The following RTCB variants were observed in gnomAD, a reference collection of about 807,000 sequenced individuals.
RTCB encodes the protein RNA 2',3'-cyclic phosphate and 5'-OH ligase.
A neutral mutation model predicts 58.2 loss-of-function variants in RTCB; 32 were observed. The ratio of observed to expected loss-of-function variants is 0.55; its 90% confidence interval spans 0.41 to 0.74. The LOEUF is 0.74. Among genes scored for constraint, RTCB ranks in the 30% least tolerant of loss-of-function variants. The pLI is 0.00. For synonymous variants in RTCB, 247 were observed against 218.6 expected, an observed-to-expected ratio of 1.13 and a Z score of -1.15; for missense variants, 523 against 639.0, an observed-to-expected ratio of 0.82 and a Z score of 1.96.
At chr22:32,407,947 G>A in intron 3 of RTCB, 1 of 538,702 alleles carries the variant, frequency 1.9e-6, no homozygotes, top group Non-Finnish European at 3.4e-6. Flanking sequence ...TATAGACAGG[G>A]TCTTGCCATG....
intron 10 of RTCB, 116 bp downstream of exon 10, chr22:32,393,776 T>C: frequency 2.7e-6 from 2 of 736,482 alleles, no homozygotes; most frequent in Non-Finnish European, 4.8e-6. Flanking sequence ...GTACAAGACA[T>C]GATAGGCCCA....
At chr22:32,399,531 T>A (rs1045499485) in intron 6 of RTCB, 72 bp downstream of exon 6, 7 of 1,387,254 alleles carry the variant, frequency 5.0e-6, no homozygotes, top group Non-Finnish European at 6.9e-6. Context: ...ATGTAAGATA[T>A]AGATTTTTTT....
At chr22:32,400,372 C>T (rs1355981520) in intron 5 of RTCB, among the ~76,000 whole-genome samples, 3 of 152,210 alleles carry the variant, frequency 2.0e-5, no homozygotes, top group Non-Finnish European at 1.5e-5. Context: ...CATCCAAGGT[C>T]CAGCTCTCTT....
intron 4 of RTCB, among the ~76,000 whole-genome samples, chr22:32,403,690 G>C (rs61060987): frequency 0.035 from 5,271 of 152,222 alleles, 290 homozygotes; most frequent in African/African-American, 0.12. Context: ...CTCAGCCTCT[G>C]AATTGCCTGG....
In RTCB at chr22:32,406,675, T is replaced by C. The variant is rs1312582353; in HGVS notation, c.327A>G (p.Ala109=). Residue 109 remains alanine (A), a synonymous_variant, in exon 4 of 12, where the codon GCA becomes GCG. Coordinates refer to ENST00000216038, the MANE Select transcript of RTCB (RefSeq NM_014306.5). The part of the protein sequence containing the change: ...MAAFDMNDPE[A]VVSPGGVGFD... ...CAGTGATCTTACCTGGGGATACTACTGCTTCAGGGTCATTCATATCAAAGG... is the reference window on the plus strand; with the variant it reads ...CAGTGATCTTACCTGGGGATACTACCGCTTCAGGGTCATTCATATCAAAGG... 1 of 1,610,804 alleles carries C rather than the reference T, an allele frequency of 6.2e-7. No homozygotes were observed. Among genetic ancestry groups the C allele is most frequent in the Non-Finnish European group, 8.5e-7 (1 of 1,177,282 alleles).
intron 7 of RTCB, among the ~76,000 whole-genome samples, chr22:32,396,943 T>C (rs1030619429): frequency 1.3e-5 from 2 of 152,200 alleles, no homozygotes; most frequent in Non-Finnish European, 2.9e-5. Flanking sequence ...CTGCGTCTGT[T>C]GCCCAGAAGG....
chr22:32,412,018 C>A, intron 1 of RTCB, 46 bp downstream of exon 1: 1 of 1,496,836 alleles, frequency 6.7e-7, no homozygotes, highest in Non-Finnish European at 9.1e-7. Flanking sequence ...CCGGCCGGGC[C>A]GGGGACGGAG....
In RTCB at chr22:32,388,140, AAC is replaced by A. The variant is rs144357746; in HGVS notation, c.1411-43_1411-42del. 886 of 1,245,048 alleles carry A rather than the reference AAC, an allele frequency of 7.1e-4. 6 individuals are homozygous for A. The African/African-American group carries it at 0.012, about 17-fold the overall frequency. 77.1% of individuals were successfully genotyped at this position (1,245,048 alleles called of 1,614,324 possible). On this transcript the variant is annotated intron_variant, in intron 11 of 11. Transcript: ENST00000216038. ...TTAAACATTGTACAAGTCCACTGAA[AAC>A]ACAGTCTTTACAAGCACCAAACTTC... is the stretch of plus-strand genomic sequence containing the variant.
chr22:32,409,344 G>C (rs1387973085), intron 1 of RTCB, among the ~76,000 whole-genome samples: 3 of 152,164 alleles, frequency 2.0e-5, no homozygotes, highest in African/African-American at 2.4e-5. Context: ...TCTCTAGTTA[G>C]GTAAATAGTG....
chr22:32,404,671 T>G (rs1236118342), intron 4 of RTCB, among the ~76,000 whole-genome samples: 1 of 151,994 alleles, frequency 6.6e-6, no homozygotes, highest in Admixed American at 6.6e-5. Context: ...CCTCCCAAAG[T>G]TTTTCTAGTT....
chr22:32,388,079 A>G lies in RTCB; in HGVS notation c.1431T>C (p.Asn477=). The change falls in exon 12 of 12, where the codon AAT becomes AAC. Residue 477 remains asparagine (N), a synonymous_variant. Coordinates refer to ENST00000216038, the MANE Select transcript of RTCB (RefSeq NM_014306.5). ...VMEEAPESYK[N]VTDVVNTCHD... ...GGCAGGTATTTACCACATCTGTCACATTCTTATAGGACTCAGGAGCCTGCA... is the reference window on the plus strand; with the variant it reads ...GGCAGGTATTTACCACATCTGTCACGTTCTTATAGGACTCAGGAGCCTGCA... 2 of 1,613,196 alleles carry G rather than the reference A, an allele frequency of 1.2e-6. No individual in the cohort carries two copies. The highest frequency in any genetic ancestry group is 1.7e-5 in the Admixed American group (1 of 60,018).
intron 1 of RTCB, 38 bp downstream of exon 1, chr22:32,412,026 G>A (rs1298113268): frequency 1.3e-6 from 2 of 1,537,250 alleles, no homozygotes; most frequent in East Asian, 4.6e-5. Flanking sequence ...GCCGGGGACG[G>A]AGCACGGAAG....
intron 8 of RTCB, among the ~76,000 whole-genome samples, chr22:32,395,540 G>A (rs536977774): frequency 6.6e-6 from 1 of 152,250 alleles, no homozygotes; most frequent in East Asian, 1.9e-4. Context: ...CAAATTCTAG[G>A]AATAATTTTG....
rs138130326 is a variant in RTCB at position 32,411,328 on chromosome 22, T to C, written c.93+736A>G. On this transcript the variant is annotated intron_variant, in intron 1 of 11. Coordinates refer to ENST00000216038, the MANE Select transcript of RTCB (RefSeq NM_014306.5). ...TTCTTTTTTCACATTAATAAAAATA[T>C]GAGCACAGATGGTGATGAAGGCCGA... 3.8e-3 allele frequency among the ~76,000 whole-genome samples: 573 copies of C among 152,278 alleles called. 2 individuals carry two copies. Among genetic ancestry groups the C allele is most frequent in the African/African-American group, 0.012 (516 of 41,558 alleles).
At chr22:32,406,639 G>A (rs745771833) in intron 4 of RTCB, 23 bp downstream of exon 4, 3 of 1,536,336 alleles carry the variant, frequency 2.0e-6, no homozygotes, top group Non-Finnish European at 2.7e-6. Flanking sequence ...ACACTTAACA[G>A]CAGATGTCCA....
chr22:32,393,874 A>C lies in RTCB; in HGVS notation c.1290+18T>G. ...AAACTGAAGAGAGCATTTCTAAGGA[A>C]GTTTCTGTTTTCCTTACCGCTCCAT... On this transcript the variant is annotated intron_variant, in intron 10 of 11. Transcript: ENST00000216038. 6.5e-7 allele frequency: 1 copy of C among 1,527,940 alleles called. No homozygotes were observed. Among genetic ancestry groups the C allele is most frequent in the Non-Finnish European group, 9.1e-7 (1 of 1,101,494 alleles). The allele number at this position is 1,527,940 out of a possible 1,614,324, so 94.6% of individuals were successfully genotyped here.
At chr22:32,401,567 C>T (rs1933337147) in intron 5 of RTCB, 180 bp downstream of exon 5, 5 of 586,218 alleles carry the variant, frequency 8.5e-6, no homozygotes, top group East Asian at 2.7e-5. Context: ...GTTATAACAT[C>T]GGTTGACTAA....
chr22:32,412,217 C>T lies in RTCB; in HGVS notation c.-61G>A, dbSNP rs1601434411. On this transcript the variant is annotated 5_prime_UTR_variant, in exon 1 of 12. Coordinates refer to ENST00000216038, the MANE Select transcript of RTCB (RefSeq NM_014306.5). ...CTTTGAAGAGCCGCTGCCGCGTAGT[C>T]CGGCTTCTCAGAGCACCGCCTTCCA... The T allele has an allele frequency of 4.9e-6, 7 of 1,416,402 alleles. No individual in the cohort carries two copies. In the Admixed American group the frequency reaches 5.8e-5, roughly 12 times the overall value. The allele number at this position is 1,416,402 out of a possible 1,614,324, so 87.7% of individuals were successfully genotyped here.
At chr22:32,397,210 T>C (rs1933260113) in intron 7 of RTCB, among the ~76,000 whole-genome samples, 1 of 152,226 alleles carries the variant, frequency 6.6e-6, no homozygotes, top group African/African-American at 2.4e-5. Context: ...TTCAGTCCTG[T>C]AGTAACCGTC....
Sources: gnomAD v4.1 joint callset for allele counts (sites outside exome capture counted in the v4.1 genomes callset) on GRCh38, gnomAD v4.1.1 for gene constraint, MANE v1.5 for transcripts, NCBI Gene and HGNC (gene_info 2026-07-23, HGNC 2026-07-21) for gene names.